Variants in NDUFAF7 observed in about 807,000 individuals in gnomAD.
The protein encoded by NDUFAF7 is NADH:ubiquinone oxidoreductase complex assembly factor 7.
NDUFAF7 carries 48 observed loss-of-function variants against 47.2 expected under a neutral mutation model. The ratio of observed to expected loss-of-function variants is 1.02; its 90% CI spans 0.81 to 1.29. The LOEUF is 1.29. Among genes scored for constraint, NDUFAF7 ranks in the 50% most tolerant of loss-of-function variants. The pLI is 0.00. For synonymous variants in NDUFAF7, 217 were observed against 190.0 expected (o/e 1.14, Z -1.17); for missense variants, 635 against 537.6 (o/e 1.18, Z -1.79).
chr2:37,261,556 G>A, the NDUFAF7 span, among the ~76,000 whole-genome samples: 106 of 145,386 alleles, frequency 7.3e-4, no homozygotes, highest in Middle Eastern at 3.6e-3. Context: ...CAAGGCAGGC[G>A]GATCACCTGA....
the NDUFAF7 span, among the ~76,000 whole-genome samples, chr2:37,260,016 T>C: frequency 6.6e-6 from 1 of 151,968 alleles, no homozygotes; most frequent in Non-Finnish European, 1.5e-5. Context: ...AATACAAAAA[T>C]TAGCCAGGCG....
chr2:37,243,840 TTTATGTGTTA>T lies in NDUFAF7; in HGVS notation c.682-20_682-11del. On this transcript the variant is annotated splice_polypyrimidine_tract_variant and intron_variant, in intron 6 of 9. Coordinates refer to ENST00000002125, the MANE Select transcript of NDUFAF7 (RefSeq NM_144736.5). ...GAGAACAAACTTGCAAAAATTTGTT[TTTATGTGTTA>T]TTTTGTGTTTAGAAAACACCACAGG... 1 of 1,606,366 alleles carries T rather than the reference TTTATGTGTTA, an allele frequency of 6.2e-7. No individual in the cohort carries two copies. Among genetic ancestry groups the T allele is most frequent in the East Asian group, 2.2e-5 (1 of 44,794 alleles).
intron 2 of NDUFAF7, among the ~76,000 whole-genome samples, chr2:37,233,728 C>T (rs1665455069): frequency 6.6e-6 from 1 of 151,592 alleles, no homozygotes; most frequent in South Asian, 2.1e-4. Flanking sequence ...AGCCAAGGAA[C>T]CAGGGAGAAC....
chr2:37,254,163 T>G (rs992309834), downstream of NDUFAF7: 3 of 1,452,664 alleles, frequency 2.1e-6, no homozygotes, highest in African/African-American at 4.2e-5. Flanking sequence ...AGTGAACTAC[T>G]CAAATGAGGA....
chr2:37,255,033 G>T (rs12619325), downstream of NDUFAF7, among the ~76,000 whole-genome samples: 1 of 152,126 alleles, frequency 6.6e-6, no homozygotes, highest in South Asian at 2.1e-4. Context: ...ACCCAGACAC[G>T]AACCAAATGG....
intron 4 of NDUFAF7, among the ~76,000 whole-genome samples, chr2:37,238,974 A>G (rs1666080437): frequency 6.6e-6 from 1 of 152,056 alleles, no homozygotes; most frequent in Admixed American, 6.5e-5. Context: ...ACAATGAGAT[A>G]CTACTGTAAC....
Position 37,241,786 on chromosome 2 carries a change from C to T in NDUFAF7, c.617C>T (p.Pro206Leu). The T allele has an allele frequency of 6.2e-7, 1 of 1,612,864 alleles. No individual in the cohort carries two copies. Among genetic ancestry groups the T allele is most frequent in the Non-Finnish European group, 8.5e-7 (1 of 1,179,672 alleles). The change falls in exon 5 of 10, where the codon CCA (proline) becomes CTA (leucine). Residue 206 changes from proline (P) to leucine (L), a missense_variant. Pro to Leu is a moderately conservative substitution (Grantham distance 98). Transcript: ENST00000002125. ...ISWYRDLHDV[P>L]KGYSFYLAHE... is the part of the protein sequence containing the mutation. ...TGGTACCGAGATCTGCACGATGTTC[C>T]AAAAGGTAATTACCTTTATGTGGAT...
chr2:37,245,983 C>T (rs867952008), intron 7 of NDUFAF7, 69 bp from the exon 8 acceptor site: 6 of 1,553,922 alleles, frequency 3.9e-6, no homozygotes, highest in Middle Eastern at 2.0e-4. Context: ...GAGGAAAAAC[C>T]TGAAAAACCG....
the NDUFAF7 span, among the ~76,000 whole-genome samples, chr2:37,261,374 C>G: frequency 6.6e-6 from 1 of 152,146 alleles, no homozygotes; most frequent in Non-Finnish European, 1.5e-5. Context: ...GTAAACCCAG[C>G]TACTCGGGAG....
At chr2:37,232,801 AG>A (rs1665313633) in intron 2 of NDUFAF7, among the ~76,000 whole-genome samples, 1 of 152,174 alleles carries the variant, frequency 6.6e-6, no homozygotes, top group Non-Finnish European at 1.5e-5. Flanking sequence ...TCACTGTTCT[AG>A]GATTAGGCAC....
intron 2 of NDUFAF7, 41 bp downstream of exon 2, chr2:37,232,307 G>A (rs200538880): frequency 1.2e-6 from 2 of 1,610,422 alleles, no homozygotes; most frequent in East Asian, 2.2e-5. Flanking sequence ...CTCTCTAGCC[G>A]ATTTGCGAGG....
rs919729703 is a variant in NDUFAF7, at chr2:37,245,255, C to A, written c.793-797C>A. Among the ~76,000 whole-genome samples, 3 of 152,280 alleles carry A rather than the reference C, an allele frequency of 2.0e-5. No homozygotes were observed. In the South Asian group the frequency reaches 6.2e-4, roughly 32 times the overall value. Reference sequence around the variant, plus strand: ...CTGTTACCATAGGCAGACATCAGGGCAGGTCATTACTGCATTTCTATAATA... The same window carrying A: ...CTGTTACCATAGGCAGACATCAGGGAAGGTCATTACTGCATTTCTATAATA... On this transcript the variant is annotated intron_variant, in intron 7 of 9. Coordinates refer to ENST00000002125, the MANE Select transcript of NDUFAF7 (RefSeq NM_144736.5).
At position 37,236,149 on chromosome 2, in the gene NDUFAF7, A is replaced by T; in HGVS notation, c.270A>T (p.Ser90=). The T allele has an allele frequency of 6.2e-7, 1 of 1,612,890 alleles. No individual in the cohort carries two copies. Among genetic ancestry groups the T allele is most frequent in the Non-Finnish European group, 8.5e-7 (1 of 1,178,962 alleles). ...MLGEKGDFIT[S]PEISQIFGEL... The stretch of plus-strand genomic sequence containing the variant: ...GCGAAAAAGGAGATTTCATTACTTC[A>T]CCTGAAATAAGTCAAATCTTTGGGG... The change falls in exon 3 of 10, where the codon TCA becomes TCT. Residue 90 remains serine (S), a synonymous_variant. Coordinates refer to ENST00000002125, the MANE Select transcript of NDUFAF7 (RefSeq NM_144736.5).
At chr2:37,247,062 C>T (rs1667004705) in intron 8 of NDUFAF7, among the ~76,000 whole-genome samples, 1 of 152,114 alleles carries the variant, frequency 6.6e-6, no homozygotes, top group South Asian at 2.1e-4. Context: ...TGTCTCCCCT[C>T]TAGTAGTCAC....
chr2:37,237,506 C>G (rs1407204769), intron 3 of NDUFAF7, among the ~76,000 whole-genome samples: 1 of 152,180 alleles, frequency 6.6e-6, no homozygotes, highest in Non-Finnish European at 1.5e-5. Context: ...ATCCTCTTAT[C>G]TATGTCATGG....
chr2:37,245,967 C>A, intron 7 of NDUFAF7, 85 bp from the exon 8 acceptor site: 1 of 1,418,904 alleles, frequency 7.0e-7, no homozygotes, highest in Non-Finnish European at 9.8e-7. Flanking sequence ...CTAAGAAATG[C>A]TCATTGAGGA....
At chr2:37,271,140 C>G in the NDUFAF7 span, among the ~76,000 whole-genome samples, 22 of 152,126 alleles carry the variant, frequency 1.4e-4, no homozygotes, top group South Asian at 2.1e-4. Flanking sequence ...ACTATAACAG[C>G]TAAGTGCCCC....
Position 37,231,969 on chromosome 2 carries a change from T to C in NDUFAF7, c.56-137T>C, listed in dbSNP as rs947151550. 6 of 1,599,496 alleles carry C rather than the reference T, an allele frequency of 3.8e-6. No individual in the cohort carries two copies. The African/African-American group carries it at 8.1e-5, about 21-fold the overall frequency. Reference sequence around the variant, plus strand: ...GTGCTGTCTCTGCGCCCCGTGGGCGTGCTAAGCACAGTAGCCCGCGGTCTG... The same window carrying C: ...GTGCTGTCTCTGCGCCCCGTGGGCGCGCTAAGCACAGTAGCCCGCGGTCTG... On this transcript the variant is annotated intron_variant, in intron 1 of 9. Coordinates refer to ENST00000002125, the MANE Select transcript of NDUFAF7 (RefSeq NM_144736.5).
chr2:37,243,527 G>A (rs1010424481), intron 6 of NDUFAF7, among the ~76,000 whole-genome samples: 3 of 152,134 alleles, frequency 2.0e-5, no homozygotes, highest in Non-Finnish European at 4.4e-5. Flanking sequence ...TATATGTACT[G>A]GTAATTTGTG....
Sources: allele counts gnomAD v4.1 joint callset (sites outside exome capture counted in the v4.1 genomes callset), GRCh38; gene constraint gnomAD v4.1.1; transcripts MANE v1.5; gene names NCBI Gene and HGNC (gene_info 2026-07-23, HGNC 2026-07-21).